Variants in MFHAS1 observed in about 807,000 individuals in gnomAD.
MFHAS1 encodes the protein multifunctional ROCO family signaling regulator 1, also known as malignant fibrous histiocytoma-amplified sequence 1.
A neutral mutation model predicts 70.4 loss-of-function variants in MFHAS1; 50 were observed. The observed-to-expected ratio is 0.71, with a 90% CI of 0.57 to 0.90. The LOEUF (loss-of-function observed/expected upper bound fraction) is 0.90. Among genes scored for constraint, MFHAS1 ranks in the 40% least tolerant of loss-of-function variants. The pLI, the probability that MFHAS1 is intolerant of heterozygous loss-of-function variation, is 0.00. For missense variants in MFHAS1, 1,795 were observed against 1,347.6 expected (o/e 1.33, Z -5.20); for synonymous variants, 952 against 620.0 (o/e 1.54, Z -7.96).
At chr8:8,886,210 G>T (rs1271554448) in intron 1 of MFHAS1, among the ~76,000 whole-genome samples, 2 of 151,296 alleles carry the variant, frequency 1.3e-5, no homozygotes, top group African/African-American at 4.9e-5. Context: ...TAAGAGACAG[G>T]GTCAGAGTGC....
chr8:8,883,385 G>A (rs1809605451), intron 1 of MFHAS1, among the ~76,000 whole-genome samples: 1 of 152,004 alleles, frequency 6.6e-6, no homozygotes, highest in African/African-American at 2.4e-5. Context: ...TGCCCTAATG[G>A]ATGGATGGTC....
intron 1 of MFHAS1, among the ~76,000 whole-genome samples, chr8:8,798,044 G>A (rs1805969502): frequency 6.6e-6 from 1 of 152,230 alleles, no homozygotes; most frequent in South Asian, 2.1e-4. Flanking sequence ...TATGTGTGAA[G>A]CAGATGCACG....
intron 1 of MFHAS1, among the ~76,000 whole-genome samples, chr8:8,888,713 T>C (rs796624413): frequency 1.1e-4 from 17 of 152,262 alleles, no homozygotes; most frequent in East Asian, 3.9e-4. Flanking sequence ...GGGGAATGAA[T>C]TGGCAGAGCA....
chr8:8,845,093 T>C (rs750894782), intron 1 of MFHAS1, among the ~76,000 whole-genome samples: 28 of 152,228 alleles, frequency 1.8e-4, no homozygotes, highest in Non-Finnish European at 3.5e-4. Context: ...TGTTTTTCCC[T>C]TTAGAGTTAC....
At chr8:8,816,170 G>T (rs972902941) in intron 1 of MFHAS1, among the ~76,000 whole-genome samples, 1 of 152,198 alleles carries the variant, frequency 6.6e-6, no homozygotes, top group Non-Finnish European at 1.5e-5. Context: ...AGCCAGGAAG[G>T]AATGGAAGTG....
At chr8:8,796,616 G>A (rs1460077336) in intron 2 of MFHAS1, among the ~76,000 whole-genome samples, 1 of 142,746 alleles carries the variant, frequency 7.0e-6, no homozygotes, top group Non-Finnish European at 1.5e-5. Flanking sequence ...CCCGGAAGGC[G>A]GAGCTTGCAG....
At chr8:8,864,492 C>G (rs1271271639) in intron 1 of MFHAS1, among the ~76,000 whole-genome samples, 1 of 152,198 alleles carries the variant, frequency 6.6e-6, no homozygotes, top group African/African-American at 2.4e-5. Context: ...CCTAAATATT[C>G]TTATGTTAAC....
intron 1 of MFHAS1, among the ~76,000 whole-genome samples, chr8:8,811,583 C>A (rs1044984375): frequency 6.6e-6 from 1 of 152,164 alleles, no homozygotes; most frequent in African/African-American, 2.4e-5. Flanking sequence ...TGGCCAAGGC[C>A]AGGGTTATTC....
At chr8:8,880,994 T>G (rs1305316406) in intron 1 of MFHAS1, among the ~76,000 whole-genome samples, 1 of 152,128 alleles carries the variant, frequency 6.6e-6, no homozygotes, top group African/African-American at 2.4e-5. Flanking sequence ...CATACCTTCC[T>G]AAGATGGGTG....
intron 1 of MFHAS1, among the ~76,000 whole-genome samples, chr8:8,798,981 GA>G (rs1258519042): frequency 2.0e-5 from 3 of 151,854 alleles, no homozygotes; most frequent in African/African-American, 7.3e-5. Flanking sequence ...CCGGAAGGCA[GA>G]GGTTCCAGTG....
intron 1 of MFHAS1, among the ~76,000 whole-genome samples, chr8:8,831,469 T>C (rs1051799881): frequency 2.0e-5 from 3 of 152,074 alleles, no homozygotes; most frequent in African/African-American, 7.2e-5. Flanking sequence ...TCGGGCCTCG[T>C]TAGTACTTGG....
intron 1 of MFHAS1, among the ~76,000 whole-genome samples, chr8:8,831,910 C>A (rs975840699): frequency 6.6e-6 from 1 of 152,158 alleles, no homozygotes; most frequent in Non-Finnish European, 1.5e-5. Context: ...CCGCCCCCAG[C>A]CGTCAATTGA....
At chr8:8,788,563 C>T (rs1363137162) in intron 2 of MFHAS1, among the ~76,000 whole-genome samples, 2 of 152,136 alleles carry the variant, frequency 1.3e-5, no homozygotes, top group East Asian at 3.8e-4. Flanking sequence ...CCTGTAGTCC[C>T]AGCTACTCGG....
chr8:8,797,210 A>G (rs1805935130), intron 2 of MFHAS1, among the ~76,000 whole-genome samples, 155 bp downstream of exon 2: 1 of 152,024 alleles, frequency 6.6e-6, no homozygotes, highest in Non-Finnish European at 1.5e-5. Context: ...TGCTGCATAA[A>G]TCATGATGCT....
intron 1 of MFHAS1, among the ~76,000 whole-genome samples, chr8:8,872,634 T>C (rs1027444303): frequency 1.3e-5 from 2 of 152,138 alleles, no homozygotes; most frequent in Non-Finnish European, 1.5e-5. Flanking sequence ...TGAACAGCAT[T>C]CAAGAAGTGT....
chr8:8,815,528 G>A (rs1020389206), intron 1 of MFHAS1, among the ~76,000 whole-genome samples: 11 of 152,158 alleles, frequency 7.2e-5, no homozygotes, highest in Non-Finnish European at 4.4e-5. Context: ...GCCAGCATCT[G>A]TTGCTTCTTG....
At chr8:8,827,593 T>C (rs946783419) in intron 1 of MFHAS1, among the ~76,000 whole-genome samples, 1 of 152,258 alleles carries the variant, frequency 6.6e-6, no homozygotes, top group Non-Finnish European at 1.5e-5. Flanking sequence ...CCTATTGACT[T>C]CTAAGACTTC....
intron 1 of MFHAS1, among the ~76,000 whole-genome samples, chr8:8,877,745 C>T (rs867204947): frequency 6.6e-6 from 1 of 152,164 alleles, no homozygotes; most frequent in Non-Finnish European, 1.5e-5. Context: ...TAAATCTCTT[C>T]CAAGGTCTCA....
chr8:8,795,357 G>C (rs779114615), intron 2 of MFHAS1, among the ~76,000 whole-genome samples: 3 of 152,188 alleles, frequency 2.0e-5, no homozygotes, highest in Non-Finnish European at 2.9e-5. Flanking sequence ...GTTCAGGACA[G>C]GGGATATTCA....
Sources: allele counts gnomAD v4.1 joint callset (sites outside exome capture counted in the v4.1 genomes callset), GRCh38; gene constraint gnomAD v4.1.1; transcripts MANE v1.5; gene names NCBI Gene and HGNC (gene_info 2026-07-23, HGNC 2026-07-21).